MYH11: variants seen among roughly 807,000 people sequenced by gnomAD.
MYH11 encodes the protein myosin heavy chain 11.
Under a neutral mutation model 246.6 loss-of-function variants are expected in MYH11, and 80 were observed. That is an observed-to-expected ratio of 0.32 (90% CI 0.27 to 0.39). MYH11 has a LOEUF of 0.39. Among genes scored for constraint, MYH11 ranks in the 10% least tolerant of loss-of-function variants. The probability of loss-of-function intolerance (pLI) is 1.00; values close to 1 mark genes in which losing one functional copy is unlikely to be tolerated. For synonymous variants in MYH11, 1,071 were observed against 1,015.5 expected (o/e 1.05, Z -1.04); for missense variants, 2,158 against 2,546.8 (o/e 0.85, Z 3.29).
In MYH11 at chr16:15,839,694, GA is replaced by G. The variant is rs57488014; in HGVS notation, c.-17-1426del. Reference sequence around the variant, plus strand: ...CGGCGACAGAGCGAGACTCTGTCTCGAAAAAAAAAAAAAGTAATGGCAAAAT... The same window carrying G: ...CGGCGACAGAGCGAGACTCTGTCTCGAAAAAAAAAAAAGTAATGGCAAAAT... On this transcript the variant is annotated intron_variant, in intron 1 of 40. Coordinates refer to ENST00000300036, the MANE Select transcript of MYH11 (RefSeq NM_002474.3). Among the ~76,000 whole-genome samples, 502 of 134,912 alleles carry G rather than the reference GA, an allele frequency of 3.7e-3. 1 individual carries two copies. The highest frequency in any genetic ancestry group is 0.01 in the African/African-American group (374 of 36,662). 88.5% of individuals were successfully genotyped at this position (134,912 alleles called of 152,430 possible).
intron 4 of MYH11, among the ~76,000 whole-genome samples, chr16:15,793,948 T>TC (rs1378177067): frequency 1.3e-4 from 16 of 123,878 alleles, no homozygotes; most frequent in African/African-American, 4.0e-4. Context: ...TTCTTTTCTT[T>TC]TTTTTTTTTT....
At chr16:15,733,669 A>G (rs1187307309) in intron 26 of MYH11, among the ~76,000 whole-genome samples, 2 of 151,472 alleles carry the variant, frequency 1.3e-5, no homozygotes, top group African/African-American at 4.9e-5. Flanking sequence ...CAGTCTCCCA[A>G]GTAGCTGGGA....
intron 20 of MYH11, among the ~76,000 whole-genome samples, chr16:15,744,256 G>A (rs868681477): frequency 8.6e-5 from 13 of 151,118 alleles, no homozygotes; most frequent in Non-Finnish European, 1.3e-4. Flanking sequence ...GTACAGTGGC[G>A]CGATCTCAGC....
chr16:15,732,621 C>T lies in MYH11; in HGVS notation c.3594G>A (p.Arg1198=), dbSNP rs138908402. ...RSHEAQVQEM[R]QKHAQAVEEL... ...CCTCCACCGCCTGTGCGTGTTTCTG[C>T]CTCATCTCCTGGACCTGAGCCTCAT... The change falls in exon 27 of 41, where the codon AGG becomes AGA. Residue 1198 remains arginine, a synonymous_variant. Transcript: ENST00000300036. 9.3e-6 allele frequency: 15 copies of T among 1,614,264 alleles called. No homozygotes were observed. The highest frequency in any genetic ancestry group is 1.3e-5 in the Non-Finnish European group (15 of 1,180,046).
Position 15,771,602 on chromosome 16 carries a change from C to A in MYH11, c.1000G>T (p.Ala334Ser), listed in dbSNP as rs1425974785. ...EMFQETVEAM[A>S]IMGFSEEEQL... ...TCCTCCTCGCTGAAACCCATGATTG[C>A]CATGGCCTCCACGGTTTCCTGGAAC... Residue 334 changes from alanine to serine, a missense_variant, in exon 9 of 41, where the codon GCA (alanine) becomes TCA (serine). Physicochemically the swap from Ala to Ser is moderately conservative, Grantham distance 99 (BLOSUM62 1). Transcript: ENST00000300036. The A allele has an allele frequency of 5.0e-6, 8 of 1,614,024 alleles. No individual in the cohort carries two copies. In the East Asian group the frequency reaches 1.3e-4, roughly 27 times the overall value.
chr16:15,754,243 A>G (rs2151270172), intron 14 of MYH11, among the ~76,000 whole-genome samples: 1 of 152,252 alleles, frequency 6.6e-6, no homozygotes, highest in East Asian at 1.9e-4. Context: ...TAAATTAATT[A>G]AGCATGGCAT....
At position 15,721,253 on chromosome 16, in the gene MYH11, TGCCATTCTCA is replaced by T. The variant is rs1208574931; in HGVS notation, c.4578+159_4578+168del. ...CCCCCAACTCAGACCCATCCTCGAC[TGCCATTCTCA>T]GCCCCTCCCAGCCCCTGCACCAGTC... On this transcript the variant is annotated intron_variant, in intron 32 of 40. Transcript: ENST00000300036. 31 of 951,422 alleles carry T rather than the reference TGCCATTCTCA, an allele frequency of 3.3e-5. 1 individual carries two copies. In the East Asian group the frequency reaches 8.1e-4, roughly 25 times the overall value. 58.9% of individuals were successfully genotyped at this position (951,422 alleles called of 1,614,324 possible).
intron 9 of MYH11, among the ~76,000 whole-genome samples, chr16:15,770,601 G>A (rs894824402): frequency 5.9e-5 from 9 of 151,942 alleles, no homozygotes; most frequent in Middle Eastern, 3.2e-3. Flanking sequence ...CCACTGCCTC[G>A]ATCACTCCCC....
chr16:15,721,194 CCT>C (rs2040457074), intron 32 of MYH11, 143 bp from the exon 33 acceptor site: 1 of 1,010,918 alleles, frequency 9.9e-7, no homozygotes, highest in East Asian at 2.6e-5. Flanking sequence ...CAAGATGACC[CCT>C]GAGAGTTCAG....
At chr16:15,706,096 G>A (rs1451192628) in intron 40 of MYH11, among the ~76,000 whole-genome samples, 1 of 151,782 alleles carries the variant, frequency 6.6e-6, no homozygotes, top group Non-Finnish European at 1.5e-5. Context: ...GGCTGGGAAA[G>A]CCCACCTGGC....
chr16:15,714,796 A>C, intron 40 of MYH11, 113 bp downstream of exon 40: 12 of 1,305,180 alleles, frequency 9.2e-6, no homozygotes, highest in Non-Finnish European at 1.3e-5. Flanking sequence ...AAACCACAGA[A>C]GGGAGTGGCG....
At chr16:15,707,757 A>C (rs1392869527) in intron 40 of MYH11, among the ~76,000 whole-genome samples, 2 of 152,120 alleles carry the variant, frequency 1.3e-5, no homozygotes, top group Non-Finnish European at 2.9e-5. Context: ...GGATCACCTG[A>C]AGTCAGGAGT....
chr16:15,707,712 T>C (rs368732478), intron 40 of MYH11, among the ~76,000 whole-genome samples: 12 of 152,210 alleles, frequency 7.9e-5, no homozygotes, highest in African/African-American at 2.9e-4. Context: ...TTGGTCATGC[T>C]TGTAATCCCA....
At chr16:15,827,037 T>C (rs1316515968) in intron 2 of MYH11, among the ~76,000 whole-genome samples, 1 of 146,550 alleles carries the variant, frequency 6.8e-6, no homozygotes, top group African/African-American at 2.5e-5. Flanking sequence ...ACAGGATTGA[T>C]GGAGACGGAG....
intron 36 of MYH11, 51 bp from the exon 37 acceptor site, chr16:15,718,489 A>G: frequency 6.5e-7 from 1 of 1,536,196 alleles, no homozygotes; most frequent in Non-Finnish European, 8.7e-7. Flanking sequence ...CCGCCTTAAA[A>G]GATGCCCCCT....
At chr16:15,811,529 G>A (rs560194535) in intron 3 of MYH11, among the ~76,000 whole-genome samples, 19 of 152,058 alleles carry the variant, frequency 1.2e-4, no homozygotes, top group Non-Finnish European at 4.4e-5. Flanking sequence ...AGTGAGGGCC[G>A]AGCAATGTGG....
At position 15,741,805 on chromosome 16, in the gene MYH11, C is replaced by G. The variant is rs555471585; in HGVS notation, c.2607G>C (p.Gln869His). ...DELQKTKERQ[Q>H]KAENELKELE... Reference sequence around the variant, plus strand: ...GCTCCTTAAGCTCATTCTCTGCCTTCTGCTGCCGCTCCTTGGTCTTCTGCA... The same window carrying G: ...GCTCCTTAAGCTCATTCTCTGCCTTGTGCTGCCGCTCCTTGGTCTTCTGCA... The change falls in exon 21 of 41, where the codon CAG becomes CAC. Residue 869 changes from glutamine (Q) to histidine (H), a missense_variant. Transcript: ENST00000300036. 6.2e-7 allele frequency: 1 copy of G among 1,614,242 alleles called. No individual in the cohort carries two copies. The highest frequency in any genetic ancestry group is 1.1e-5 in the South Asian group (1 of 91,086).
chr16:15,758,008 C>G lies in MYH11; in HGVS notation c.1402-8G>C, dbSNP rs529694413. Reference sequence around the variant, plus strand: ...CTGCTCGAAGGAGTTCACCTGAGCACATGGCGTGGGGGCGGGGCGTGAGCA... The same window carrying G: ...CTGCTCGAAGGAGTTCACCTGAGCAGATGGCGTGGGGGCGGGGCGTGAGCA... On this transcript the variant is annotated splice_region_variant and splice_polypyrimidine_tract_variant and intron_variant, in intron 12 of 40. Transcript: ENST00000300036. 1.4e-5 allele frequency: 22 copies of G among 1,613,560 alleles called. No homozygotes were observed. The South Asian group carries it at 2.3e-4, about 17-fold the overall frequency.
In MYH11 at chr16:15,756,611, C is replaced by T. The variant is rs62029321; in HGVS notation, c.1576-97G>A. The T allele has an allele frequency of 6.7e-3, 8,421 of 1,252,026 alleles. 39 individuals are homozygous for T. The highest frequency in any genetic ancestry group is 8.1e-3 in the Non-Finnish European group (6,997 of 860,678). The allele number at this position is 1,252,026 out of a possible 1,614,324, so 77.6% of individuals were successfully genotyped here. ...CTATACACAACGCATGGGCATCCGC[C>T]GAGATCTGATACTGTATTTGCCCAC... On this transcript the variant is annotated intron_variant, in intron 13 of 40. Coordinates refer to ENST00000300036, the MANE Select transcript of MYH11 (RefSeq NM_002474.3).
Sources: gnomAD v4.1 joint callset for allele counts (sites outside exome capture counted in the v4.1 genomes callset) on GRCh38, gnomAD v4.1.1 for gene constraint, MANE v1.5 for transcripts, NCBI Gene and HGNC (gene_info 2026-07-23, HGNC 2026-07-21) for gene names.